The following FSIP2 variants were observed in gnomAD, a reference collection of about 807,000 sequenced individuals.
FSIP2 encodes the protein fibrous sheath interacting protein 2.
A neutral mutation model predicts 510.5 loss-of-function variants in FSIP2; 367 were observed. The ratio of observed to expected loss-of-function variants is 0.72; its 90% CI spans 0.66 to 0.78. The LOEUF is 0.78. Ranked by LOEUF, FSIP2 falls within the 30% of genes least tolerant of loss-of-function variation. FSIP2 has a pLI of 0.00. For missense variants in FSIP2, 7,594 were observed against 7,901.7 expected, an observed-to-expected ratio of 0.96 and a Z score of 1.48; for synonymous variants, 2,601 against 2,732.2, an observed-to-expected ratio of 0.95 and a Z score of 1.50.
At chr2:185,742,743 C>A (rs1691947935) in intron 2 of FSIP2, among the ~76,000 whole-genome samples, 1 of 151,982 alleles carries the variant, frequency 6.6e-6, no homozygotes, top group African/African-American at 2.4e-5. Flanking sequence ...ACTATTAATC[C>A]TTTTATCTTT....
At chr2:185,756,836 AG>A (rs201898666) in intron 9 of FSIP2, among the ~76,000 whole-genome samples, 2 of 151,428 alleles carry the variant, frequency 1.3e-5, no homozygotes, top group Non-Finnish European at 3.0e-5. Flanking sequence ...TAAATTTCAA[AG>A]AAAAAATTAA....
At position 185,794,943 on chromosome 2, in the gene FSIP2, C is replaced by A; in HGVS notation, c.7807C>A (p.Gln2603Lys). ...TAATTCCCCTAGATATGCGATATCA[C>A]AGGCTTATTCTTATGTCGACAGTCA... is the stretch of plus-strand genomic sequence containing the variant. ...ISNSPRYAIS[Q>K]AYSYVDSQNI... Residue 2603 changes from glutamine (Q) to lysine (K), a missense_variant, in exon 16 of 23, where the codon CAG becomes AAG. Physicochemically the swap from Gln to Lys is moderately conservative, Grantham distance 53 (BLOSUM62 1). Coordinates refer to ENST00000424728, the MANE Select transcript of FSIP2 (RefSeq NM_173651.4). 1.3e-6 allele frequency: 2 copies of A among 1,533,610 alleles called. No homozygotes were observed. Among genetic ancestry groups the A allele is most frequent in the Non-Finnish European group, 1.7e-6 (2 of 1,145,030 alleles).
chr2:185,738,724 G>A (rs771574419), upstream of FSIP2: 7 of 1,536,068 alleles, frequency 4.6e-6, no homozygotes, highest in African/African-American at 2.7e-5. Flanking sequence ...CGCCCCTCAG[G>A]AGGCCACCGC....
At chr2:185,747,279 C>T in intron 6 of FSIP2, 34 bp from the exon 7 acceptor site, 8 of 1,189,266 alleles carry the variant, frequency 6.7e-6, no homozygotes, top group Non-Finnish European at 9.6e-6. Context: ...GTGAAAGGCA[C>T]ACACACCAAG....
At chr2:185,739,579 C>A in intron 2 of FSIP2, 108 bp downstream of exon 2, 2 of 1,063,862 alleles carry the variant, frequency 1.9e-6, no homozygotes, top group Non-Finnish European at 2.5e-6. Flanking sequence ...TCAACATTTA[C>A]AGGAAAAAGA....
In FSIP2 at chr2:185,796,882, C is replaced by T; in HGVS notation, c.9746C>T (p.Ser3249Phe). ...NKVQDHRPRE[S>F]NFGSFDQTMK... is the part of the protein sequence containing the mutation. ...GTACAAGACCACAGACCAAGGGAAT[C>T]TAACTTTGGTAGTTTTGATCAGACC... Residue 3249 changes from serine to phenylalanine, a missense_variant, in exon 16 of 23, where the codon TCT becomes TTT. Coordinates refer to ENST00000424728, the MANE Select transcript of FSIP2 (RefSeq NM_173651.4). 1 of 1,534,834 alleles carries T rather than the reference C, an allele frequency of 6.5e-7. No homozygotes were observed.
chr2:185,765,368 C>T (rs1692448091), intron 13 of FSIP2: 1 of 152,108 alleles, frequency 6.6e-6, no homozygotes, highest in African/African-American at 2.4e-5. Context: ...ATATGGCTAG[C>T]CAGTTTTCCC....
chr2:185,795,717 A>C lies in FSIP2; in HGVS notation c.8581A>C (p.Ile2861Leu). 1 of 1,532,722 alleles carries C rather than the reference A, an allele frequency of 6.5e-7. No homozygotes were observed. Among genetic ancestry groups the C allele is most frequent in the Admixed American group, 2.0e-5 (1 of 50,666 alleles). 94.9% of individuals were successfully genotyped at this position (1,532,722 alleles called of 1,614,324 possible). A position where few individuals can be genotyped will look rare whatever the true frequency, so the allele number is the denominator to read the frequency against. Reference sequence around the variant, plus strand: ...AAATGAAAAATGTAAGCTATTGATGATAGCTGAAAATGTTTTGACTGAAAT... The same window carrying C: ...AAATGAAAAATGTAAGCTATTGATGCTAGCTGAAAATGTTTTGACTGAAAT... ...KENEKCKLLM[I>L]AENVLTEISI... The change falls in exon 16 of 23, where the codon ATA becomes CTA. Residue 2861 changes from isoleucine (I) to leucine (L), a missense_variant. Transcript: ENST00000424728.
chr2:185,789,303 A>T lies in FSIP2; in HGVS notation c.2167A>T (p.Ile723Phe). ...AATAATGTCTGATTTAACCCAGGCC[A>T]TTCCCTCTCTCTCTTCTGTTACTGC... is the stretch of plus-strand genomic sequence containing the variant. ...REIMSDLTQA[I>F]PSLSSVTAEV... Residue 723 changes from isoleucine (I) to phenylalanine (F), a missense_variant, in exon 16 of 23, where the codon ATT becomes TTT. Transcript: ENST00000424728. 6.5e-7 allele frequency: 1 copy of T among 1,534,526 alleles called. No individual in the cohort carries two copies. Among genetic ancestry groups the T allele is most frequent in the Non-Finnish European group, 8.7e-7 (1 of 1,145,726 alleles).
chr2:185,805,502 C>G lies in FSIP2; in HGVS notation c.16196C>G (p.Ser5399Ter), dbSNP rs267599112. 6.2e-7 allele frequency: 1 copy of G among 1,611,620 alleles called. No individual in the cohort carries two copies. Among genetic ancestry groups the G allele is most frequent in the East Asian group, 2.2e-5 (1 of 44,778 alleles). ...ISAFRIQPLF[S>*]GDWSSTFFSF... ...GCATTCAGGATTCAACCACTTTTTT[C>G]AGGAGACTGGTCTTCCACCTTCTTT... The change falls in exon 17 of 23, where the codon TCA (serine) becomes TGA (stop). Residue 5399 changes from serine (S) to a stop codon, truncating the protein, a stop_gained. Transcript: ENST00000424728. LOFTEE classifies it high-confidence loss of function.
intron 9 of FSIP2, among the ~76,000 whole-genome samples, chr2:185,757,974 ATTACCTCTGGGATT>A (rs1466280955): frequency 6.6e-6 from 1 of 151,072 alleles, no homozygotes; most frequent in East Asian, 1.9e-4. Context: ...ATAATCCCAG[ATTACCTCTGGGATT>A]ATTAGTTATG....
chr2:185,738,253 G>T, upstream of FSIP2: 1 of 271,272 alleles, frequency 3.7e-6, no homozygotes, highest in Non-Finnish European at 7.1e-6. Context: ...ATAAATTTCG[G>T]CTGGATGGTT....
At chr2:185,752,321 T>G (rs1470199055) in intron 7 of FSIP2, among the ~76,000 whole-genome samples, 1 of 151,122 alleles carries the variant, frequency 6.6e-6, no homozygotes, top group Non-Finnish European at 1.5e-5. Context: ...TTTTTCTCTA[T>G]GTAACATGAT....
chr2:185,789,461 T>C lies in FSIP2; in HGVS notation c.2325T>C (p.Val775=). The C allele has an allele frequency of 6.5e-7, 1 of 1,534,662 alleles. No homozygotes were observed. Among genetic ancestry groups the C allele is most frequent in the East Asian group, 2.4e-5 (1 of 40,848 alleles). The part of the protein sequence containing the change: ...KLESAVEKKC[V]EMFSQDLSVD... Reference sequence around the variant, plus strand: ...AGTCTGCAGTTGAGAAAAAATGTGTTGAGATGTTTTCACAAGATTTGTCAG... The same window carrying C: ...AGTCTGCAGTTGAGAAAAAATGTGTCGAGATGTTTTCACAAGATTTGTCAG... The change falls in exon 16 of 23, where the codon GTT becomes GTC. Residue 775 remains valine (V), a synonymous_variant. Transcript: ENST00000424728.
intron 19 of FSIP2, among the ~76,000 whole-genome samples, chr2:185,816,924 T>C (rs746152313): frequency 9.3e-4 from 92 of 98,560 alleles, no homozygotes; most frequent in Admixed American, 2.6e-3. Context: ...GAAAAAAGAG[T>C]AAATGAGAAA....
intron 16 of FSIP2, 196 bp downstream of exon 16, chr2:185,797,722 T>G (rs1318078380): frequency 5.0e-6 from 3 of 596,384 alleles, no homozygotes; most frequent in Non-Finnish European, 3.0e-6. Context: ...AAATAGTGTC[T>G]CTGTCACTGA....
At position 185,802,053 on chromosome 2, in the gene FSIP2, TATC is replaced by T; in HGVS notation, c.12751_12753del (p.Ile4251del). On this transcript the variant is annotated inframe_deletion, in exon 17 of 23. Coordinates refer to ENST00000424728, the MANE Select transcript of FSIP2 (RefSeq NM_173651.4). Reference sequence around the variant, plus strand: ...TTATGATTGACCAAATAGCCAGCTTTATCATCCAAGAGATTATCGAAAATCATC... The same window carrying T: ...TTATGATTGACCAAATAGCCAGCTTTATCCAAGAGATTATCGAAAATCATC... The T allele has an allele frequency of 6.5e-7, 1 of 1,532,864 alleles. No homozygotes were observed. The highest frequency in any genetic ancestry group is 8.7e-7 in the Non-Finnish European group (1 of 1,145,046). 95.0% of individuals were successfully genotyped at this position (1,532,864 alleles called of 1,614,324 possible).
chr2:185,796,897 T>C lies in FSIP2; in HGVS notation c.9761T>C (p.Phe3254Ser). 6.5e-7 allele frequency: 1 copy of C among 1,535,014 alleles called. No individual in the cohort carries two copies. The highest frequency in any genetic ancestry group is 1.4e-5 in the African/African-American group (1 of 73,054). Residue 3254 changes from phenylalanine to serine, a missense_variant, in exon 16 of 23, where the codon TTT becomes TCT. Coordinates refer to ENST00000424728, the MANE Select transcript of FSIP2 (RefSeq NM_173651.4). Reference protein sequence around the residue: ...HRPRESNFGSFDQTMKGNSYL... With the variant: ...HRPRESNFGSSDQTMKGNSYL... ...CCAAGGGAATCTAACTTTGGTAGTTTTGATCAGACCATGAAAGGAAATAGC... is the reference window on the plus strand; with the variant it reads ...CCAAGGGAATCTAACTTTGGTAGTTCTGATCAGACCATGAAAGGAAATAGC...
At chr2:185,809,396 T>C (rs1693678763) in intron 17 of FSIP2, among the ~76,000 whole-genome samples, 1 of 152,026 alleles carries the variant, frequency 6.6e-6, no homozygotes, top group Non-Finnish European at 1.5e-5. Flanking sequence ...AGAATGAGAT[T>C]GTAAGCACAT....
Sources: allele counts gnomAD v4.1 joint callset (sites outside exome capture counted in the v4.1 genomes callset), GRCh38; gene constraint gnomAD v4.1.1; transcripts MANE v1.5; gene names NCBI Gene and HGNC (gene_info 2026-07-23, HGNC 2026-07-21).